The following NPAS3 variants were observed in gnomAD, a reference collection of about 807,000 sequenced individuals.
The protein encoded by NPAS3 is neuronal PAS domain-containing protein 3.
NPAS3 carries 14 observed loss-of-function variants against 73.1 expected under a neutral mutation model. The ratio of observed to expected loss-of-function variants is 0.19; its 90% CI spans 0.13 to 0.30. The LOEUF (loss-of-function observed/expected upper bound fraction) is 0.30, where lower values mean the gene tolerates loss of function less well. Among genes scored for constraint, NPAS3 ranks in the 10% least tolerant of loss-of-function variants. The pLI is 1.00. For missense variants in NPAS3, 1,096 were observed against 1,250.0 expected (o/e 0.88, Z 1.86); for synonymous variants, 620 against 541.5 (o/e 1.14, Z -2.01).
Position 33,629,309 on chromosome 14 carries a change from TATGTC to T in NPAS3, c.559-46900_559-46896del, listed in dbSNP as rs1462821782. Among the ~76,000 whole-genome samples, 6 of 151,830 alleles carry T rather than the reference TATGTC, an allele frequency of 4.0e-5. No homozygotes were observed. The East Asian group carries it at 1.2e-3, about 29-fold the overall frequency. ...AGGACCCCTTTGAGTCTATCAGTGA[TATGTC>T]AAGAAGGAATATGCATTGCTATAGG... On this transcript the variant is annotated intron_variant, in intron 5 of 11. Coordinates refer to ENST00000356141, the Ensembl canonical transcript of NPAS3.
chr14:33,330,676 C>T (rs1019015227), intron 3 of NPAS3, among the ~76,000 whole-genome samples: 1 of 152,142 alleles, frequency 6.6e-6, no homozygotes, highest in Admixed American at 6.5e-5. Flanking sequence ...AGTTATTGGA[C>T]GTCTATTCCA....
chr14:33,795,506 C>T (rs933488564), intron 10 of NPAS3, among the ~76,000 whole-genome samples: 1 of 152,164 alleles, frequency 6.6e-6, no homozygotes, highest in Admixed American at 6.5e-5. Context: ...TCTTGTGGCA[C>T]TGACATTCTT....
chr14:33,735,211 C>T lies in NPAS3; in HGVS notation c.734-3C>T, dbSNP rs1179768441. The T allele has an allele frequency of 4.4e-6, 7 of 1,606,408 alleles. No homozygotes were observed. The highest frequency in any genetic ancestry group is 6.0e-6 in the Non-Finnish European group (7 of 1,173,178). On this transcript the variant is annotated splice_region_variant and splice_polypyrimidine_tract_variant and intron_variant, in intron 6 of 11. Transcript: ENST00000356141. ...TGTGTGTCTGTATTTTTGTATTCCT[C>T]AGTGGAGTCAACCAGCCCCAGTCTG...
intron 2 of NPAS3, among the ~76,000 whole-genome samples, chr14:33,072,298 C>A (rs747381749): frequency 5.3e-5 from 8 of 152,174 alleles, no homozygotes; most frequent in Non-Finnish European, 1.0e-4. Flanking sequence ...AACCACACTT[C>A]CTTTGGAAAA....
chr14:33,487,960 T>C (rs1359080141), intron 4 of NPAS3, among the ~76,000 whole-genome samples: 1 of 152,196 alleles, frequency 6.6e-6, no homozygotes, highest in African/African-American at 2.4e-5. Context: ...GTATATTTGT[T>C]GAATGGATGA....
intron 4 of NPAS3, among the ~76,000 whole-genome samples, chr14:33,403,898 A>G (rs574840798): frequency 5.3e-4 from 81 of 152,234 alleles, no homozygotes; most frequent in Non-Finnish European, 5.7e-4. Context: ...AATAAGAACT[A>G]TAAATTAAAA....
At position 33,281,574 on chromosome 14, in the gene NPAS3, G is replaced by A. The variant is rs373641084; in HGVS notation, c.385+66148G>A. On this transcript the variant is annotated intron_variant, in intron 3 of 11. Coordinates refer to ENST00000356141, the Ensembl canonical transcript of NPAS3. ...TTGAACCTGGAAGGCAGAAGTTGCA[G>A]TGAGCCAAGATCGCGTCATTGCACT... is the stretch of plus-strand genomic sequence containing the variant. Among the ~76,000 whole-genome samples, 16 of 152,314 alleles carry A rather than the reference G, an allele frequency of 1.1e-4. No homozygotes were observed. In the East Asian group the frequency reaches 1.2e-3, roughly 11 times the overall value.
At chr14:33,629,914 A>G (rs942253145) in intron 5 of NPAS3, among the ~76,000 whole-genome samples, 1 of 152,124 alleles carries the variant, frequency 6.6e-6, no homozygotes, top group East Asian at 1.9e-4. Context: ...AGCCAGCAAG[A>G]TTCTTTGAGA....
intron 5 of NPAS3, among the ~76,000 whole-genome samples, chr14:33,656,983 A>G (rs1051249188): frequency 6.6e-6 from 1 of 152,204 alleles, no homozygotes; most frequent in Non-Finnish European, 1.5e-5. Flanking sequence ...CTAAGGGTTC[A>G]TCAGTAGATG....
At chr14:33,107,259 T>G (rs1386581286) in intron 2 of NPAS3, among the ~76,000 whole-genome samples, 1 of 151,792 alleles carries the variant, frequency 6.6e-6, no homozygotes, top group Non-Finnish European at 1.5e-5. Context: ...CCCCTAATTT[T>G]TATTTTAGAA....
chr14:33,325,922 C>G (rs1422084219), intron 3 of NPAS3, among the ~76,000 whole-genome samples: 1 of 151,900 alleles, frequency 6.6e-6, no homozygotes, highest in Non-Finnish European at 1.5e-5. Flanking sequence ...TATTAGTGTT[C>G]TTTAAAGTGT....
intron 2 of NPAS3, among the ~76,000 whole-genome samples, chr14:33,207,708 A>G (rs2046883878): frequency 1.3e-5 from 2 of 152,176 alleles, no homozygotes; most frequent in African/African-American, 2.4e-5. Context: ...GAATTATGTT[A>G]CCAAGGAGAT....
intron 4 of NPAS3, among the ~76,000 whole-genome samples, chr14:33,406,707 G>T (rs1446619746): frequency 6.6e-6 from 1 of 152,106 alleles, no homozygotes; most frequent in Non-Finnish European, 1.5e-5. Context: ...TTCACAGAAT[G>T]CTGTTCCTGA....
chr14:33,292,784 A>C (rs896897344), intron 3 of NPAS3, among the ~76,000 whole-genome samples: 4 of 152,156 alleles, frequency 2.6e-5, no homozygotes, highest in African/African-American at 9.7e-5. Context: ...GCTAAAGTAC[A>C]TGATTTCTAG....
chr14:33,036,999 T>C (rs1286383796), intron 1 of NPAS3, among the ~76,000 whole-genome samples: 1 of 152,188 alleles, frequency 6.6e-6, no homozygotes, highest in African/African-American at 2.4e-5. Flanking sequence ...CATCCTCTTA[T>C]TAGTTTTGTA....
chr14:33,612,662 T>C (rs1595276925), intron 5 of NPAS3: 2 of 359,564 alleles, frequency 5.6e-6, no homozygotes, highest in East Asian at 1.5e-4. Flanking sequence ...TTTAAAGATG[T>C]TCTTAATTGT....
intron 1 of NPAS3, among the ~76,000 whole-genome samples, chr14:33,013,473 A>T (rs921243659): frequency 5.9e-5 from 9 of 152,208 alleles, no homozygotes; most frequent in African/African-American, 2.2e-4. Context: ...TTTTAAATGT[A>T]GTACATACTT....
chr14:32,964,719 G>A (rs982971273), intron 1 of NPAS3, among the ~76,000 whole-genome samples: 25 of 152,078 alleles, frequency 1.6e-4, no homozygotes, highest in African/African-American at 6.0e-4. Flanking sequence ...GCTCACGCCT[G>A]TAATCCTAGC....
At chr14:33,639,256 T>C (rs1014296137) in intron 5 of NPAS3, among the ~76,000 whole-genome samples, 1 of 152,172 alleles carries the variant, frequency 6.6e-6, no homozygotes, top group African/African-American at 2.4e-5. Flanking sequence ...AAGGTGGATA[T>C]ATATGTAGAC....
Sources: allele counts gnomAD v4.1 joint callset (sites outside exome capture counted in the v4.1 genomes callset), GRCh38; gene constraint gnomAD v4.1.1; transcripts MANE v1.5; gene names NCBI Gene and HGNC (gene_info 2026-07-23, HGNC 2026-07-21).